The following SIRPA variants were observed in gnomAD, a reference collection of about 807,000 sequenced individuals.
The protein encoded by SIRPA is tyrosine-protein phosphatase non-receptor type substrate 1.
A neutral mutation model predicts 50.3 loss-of-function variants in SIRPA; 9 were observed. The ratio of observed to expected loss-of-function variants is 0.18; its 90% CI spans 0.11 to 0.31. The LOEUF is 0.31. Among genes scored for constraint, SIRPA ranks in the 10% least tolerant of loss-of-function variants. SIRPA has a pLI of 1.00. For missense variants in SIRPA, 474 were observed against 661.6 expected, an observed-to-expected ratio of 0.72 and a Z score of 3.11; for synonymous variants, 265 against 284.1, an observed-to-expected ratio of 0.93 and a Z score of 0.68.
At chr20:1,900,100 TTTC>T (rs949413215) in intron 1 of SIRPA, among the ~76,000 whole-genome samples, 9 of 137,758 alleles carry the variant, frequency 6.5e-5, no homozygotes, top group African/African-American at 2.3e-4. Flanking sequence ...GCTTTTTTTT[TTTC>T]TTTTTTTTTT....
At chr20:1,900,472 A>G (rs1161635528) in intron 1 of SIRPA, among the ~76,000 whole-genome samples, 1 of 152,166 alleles carries the variant, frequency 6.6e-6, no homozygotes, top group Non-Finnish European at 1.5e-5. Flanking sequence ...GCCTGTTACT[A>G]GGGACTGAGT....
chr20:1,895,255 G>A, upstream of SIRPA: 2 of 439,290 alleles, frequency 4.6e-6, no homozygotes, highest in South Asian at 4.3e-5. Flanking sequence ...TTTCTCCTGG[G>A]GGGCGGGGAG....
At chr20:1,917,300 G>C (rs367543920) in intron 2 of SIRPA, among the ~76,000 whole-genome samples, 1 of 152,126 alleles carries the variant, frequency 6.6e-6, no homozygotes, top group Admixed American at 6.6e-5. Context: ...GTGAGCCAGT[G>C]GGGGAGCCAA....
chr20:1,927,564 T>C lies in SIRPA; in HGVS notation c.1202-311T>C, dbSNP rs1174727426. 6.6e-6 allele frequency among the ~76,000 whole-genome samples: 1 copy of C among 152,148 alleles called. No homozygotes were observed. Among genetic ancestry groups the C allele is most frequent in the Admixed American group, 6.5e-5 (1 of 15,274 alleles). On this transcript the variant is annotated intron_variant, in intron 5 of 7. Coordinates refer to ENST00000358771, the MANE Select transcript of SIRPA (RefSeq NM_001040023.2). This position sits in a 1 kb window ranked among gnomAD's most constrained non-coding sequence, Gnocchi z 6.5. ...CTTGTTGGAGGGTCTCCGCTGAGGT[T>C]TGTGGTTGAATGGAGGTGAGACCCA...
chr20:1,895,876 G>A (rs954138533), intron 1 of SIRPA, among the ~76,000 whole-genome samples: 1 of 152,196 alleles, frequency 6.6e-6, no homozygotes, highest in African/African-American at 2.4e-5. Context: ...AGGGCCGTCC[G>A]GCTTCCCCAG....
Position 1,937,480 on chromosome 20 carries a change from T to C in SIRPA, c.1427T>C (p.Val476Ala). The stretch of plus-strand genomic sequence containing the variant: ...CTCACCTATGCTGACCTGGACATGG[T>C]CCACCTCAACCGGACCCCCAAGCAG... Reference protein sequence around the residue: ...DTLTYADLDMVHLNRTPKQPA... With the variant: ...DTLTYADLDMAHLNRTPKQPA... Residue 476 changes from valine to alanine, a missense_variant, in exon 8 of 8, where the codon GTC becomes GCC. Physicochemically the swap from Val to Ala is moderately conservative, Grantham distance 64. Transcript: ENST00000358771. This position sits in a 1 kb window ranked among gnomAD's most constrained non-coding sequence, Gnocchi z 8.3. 1 of 1,614,028 alleles carries C rather than the reference T, an allele frequency of 6.2e-7. No homozygotes were observed. Among genetic ancestry groups the C allele is most frequent in the Non-Finnish European group, 8.5e-7 (1 of 1,179,976 alleles).
Position 1,895,508 on chromosome 20 carries a change from G to T in SIRPA, c.61G>T (p.Ala21Ser). The change falls in exon 1 of 8, where the codon GCG becomes TCG. Residue 21 changes from alanine (A) to serine (S), a missense_variant. Transcript: ENST00000358771. Reference protein sequence around the residue: ...LGPLLCLLLAASCAWSGVAGE... With the variant: ...LGPLLCLLLASSCAWSGVAGE... Reference sequence around the variant, plus strand: ...GCCGCTGCTCTGCCTGCTGCTCGCCGCGTCCTGCGCCTGGTCAGGTAAGCA... The same window carrying T: ...GCCGCTGCTCTGCCTGCTGCTCGCCTCGTCCTGCGCCTGGTCAGGTAAGCA... The T allele has an allele frequency of 6.9e-7, 1 of 1,459,590 alleles. No individual in the cohort carries two copies. The highest frequency in any genetic ancestry group is 1.4e-5 in the South Asian group (1 of 73,692). 90.4% of individuals were successfully genotyped at this position (1,459,590 alleles called of 1,614,324 possible). A position where few individuals can be genotyped will look rare whatever the true frequency, so the allele number is the denominator to read the frequency against.
chr20:1,934,444 A>G lies in SIRPA; in HGVS notation c.1227-271A>G, dbSNP rs1239837129. Reference sequence around the variant, plus strand: ...TATGAAAGCTCCAGTTCATTTCACCATAGCTTCCCCAGCACCAAGTATTAT... The same window carrying G: ...TATGAAAGCTCCAGTTCATTTCACCGTAGCTTCCCCAGCACCAAGTATTAT... On this transcript the variant is annotated intron_variant, in intron 6 of 7. Transcript: ENST00000358771. The surrounding 1 kb of genome is among the most constrained non-coding windows in gnomAD (Gnocchi z 4.6). 6.6e-6 allele frequency among the ~76,000 whole-genome samples: 1 copy of G among 152,198 alleles called. No individual in the cohort carries two copies. Among genetic ancestry groups the G allele is most frequent in the African/African-American group, 2.4e-5 (1 of 41,444 alleles).
At chr20:1,913,383 G>A (rs1985020533) in intron 1 of SIRPA, among the ~76,000 whole-genome samples, 1 of 152,252 alleles carries the variant, frequency 6.6e-6, no homozygotes, top group Non-Finnish European at 1.5e-5. Flanking sequence ...TCTTTCCCTG[G>A]CTGCCCTGCC....
upstream of SIRPA, among the ~76,000 whole-genome samples, chr20:1,895,072 GCCTCGCT>G (rs917537375): frequency 1.0e-3 from 157 of 150,906 alleles, no homozygotes; most frequent in South Asian, 4.0e-3. Context: ...TCTGCGCGCC[GCCTCGCT>G]CCTCGCTCCT....
At position 1,898,540 on chromosome 20, in the gene SIRPA, C is replaced by G. The variant is rs1387212640; in HGVS notation, c.79+3014C>G. 6.6e-6 allele frequency among the ~76,000 whole-genome samples: 1 copy of G among 152,138 alleles called. No homozygotes were observed. Among genetic ancestry groups the G allele is most frequent in the East Asian group, 1.9e-4 (1 of 5,164 alleles). ...CCGCAAGACATGGATTGGCTCTTCTCCCCATTCTGCAGATGCAGAAAATCG... is the reference window on the plus strand; with the variant it reads ...CCGCAAGACATGGATTGGCTCTTCTGCCCATTCTGCAGATGCAGAAAATCG... On this transcript the variant is annotated intron_variant, in intron 1 of 7. Coordinates refer to ENST00000358771, the MANE Select transcript of SIRPA (RefSeq NM_001040023.2). The surrounding 1 kb of genome is among the most constrained non-coding windows in gnomAD (Gnocchi z 4.3).
At position 1,937,620 on chromosome 20, in the gene SIRPA, C is replaced by A. The variant is rs1292240004; in HGVS notation, c.*52C>A. On this transcript the variant is annotated 3_prime_UTR_variant, in exon 8 of 8. Coordinates refer to ENST00000358771, the MANE Select transcript of SIRPA (RefSeq NM_001040023.2). This position sits in a 1 kb window ranked among gnomAD's most constrained non-coding sequence, Gnocchi z 8.3. Reference sequence around the variant, plus strand: ...CATCTCTACGCGCTTTCTTGTCCCACAGGGAGCCGCCGTGATGAGCACAGC... The same window carrying A: ...CATCTCTACGCGCTTTCTTGTCCCAAAGGGAGCCGCCGTGATGAGCACAGC... 2 of 1,590,522 alleles carry A rather than the reference C, an allele frequency of 1.3e-6. No individual in the cohort carries two copies. Among genetic ancestry groups the A allele is most frequent in the Admixed American group, 3.4e-5 (2 of 59,112 alleles).
upstream of SIRPA, chr20:1,894,747 C>T (rs1467942851): frequency 6.7e-6 from 1 of 148,266 alleles, no homozygotes; most frequent in Non-Finnish European, 1.5e-5. The surrounding 1 kb of genome is among the most constrained non-coding windows in gnomAD (Gnocchi z 4.0). Flanking sequence ...AGCTCGCAGC[C>T]CTCGCTCCCT....
At chr20:1,903,192 G>A (rs949836793) in intron 1 of SIRPA, among the ~76,000 whole-genome samples, 7 of 152,126 alleles carry the variant, frequency 4.6e-5, no homozygotes, top group African/African-American at 1.7e-4. Flanking sequence ...TAGAAGAGGT[G>A]GGGGAGTGAG....
chr20:1,913,804 T>C (rs1370710376), intron 1 of SIRPA, among the ~76,000 whole-genome samples: 1 of 152,208 alleles, frequency 6.6e-6, no homozygotes, highest in Non-Finnish European at 1.5e-5. Context: ...CTCTGAACTG[T>C]TCTCACTTGG....
intron 1 of SIRPA, among the ~76,000 whole-genome samples, chr20:1,905,189 C>T (rs1425135824): frequency 1.3e-5 from 2 of 152,230 alleles, no homozygotes; most frequent in Non-Finnish European, 2.9e-5. Flanking sequence ...TGCTGAAACC[C>T]TGGCAAATGT....
intron 1 of SIRPA, among the ~76,000 whole-genome samples, chr20:1,900,054 T>C (rs1476852691): frequency 6.6e-6 from 1 of 151,972 alleles, no homozygotes; most frequent in African/African-American, 2.4e-5. Context: ...GGCTGTTCAG[T>C]GAACAAATGT....
intron 2 of SIRPA, among the ~76,000 whole-genome samples, chr20:1,918,591 C>T (rs569010850): frequency 4.3e-4 from 66 of 152,064 alleles, no homozygotes; most frequent in African/African-American, 9.4e-4. Flanking sequence ...ATGCGTAGAA[C>T]GTCGATAATT....
intron 1 of SIRPA, among the ~76,000 whole-genome samples, chr20:1,896,465 A>G (rs1983833163): frequency 6.9e-6 from 1 of 145,436 alleles, no homozygotes. Flanking sequence ...GGGCGGGGGG[A>G]GCAGAGAAAT....
Sources: allele counts gnomAD v4.1 joint callset (sites outside exome capture counted in the v4.1 genomes callset), GRCh38; gene constraint gnomAD v4.1.1; non-coding constraint Gnocchi (gnomAD v3.1); transcripts MANE v1.5; gene names NCBI Gene and HGNC (gene_info 2026-07-23, HGNC 2026-07-21).